The following RPN2 variants were observed in gnomAD, a reference collection of about 807,000 sequenced individuals.
RPN2 encodes ribophorin II, also known as dolichyl-diphosphooligosaccharide--protein glycosyltransferase subunit 2.
A neutral mutation model predicts 71.4 loss-of-function variants in RPN2; 29 were observed. The observed-to-expected ratio is 0.41, with a 90% confidence interval of 0.30 to 0.55. RPN2 has a LOEUF of 0.55. RPN2 is among the 20% of genes least tolerant of loss of function. The pLI, the probability that RPN2 is intolerant of heterozygous loss-of-function variation, is 0.35. For missense variants in RPN2, 726 were observed against 774.1 expected (o/e 0.94, Z 0.74); for synonymous variants, 308 against 305.0 (o/e 1.01, Z -0.10).
intron 2 of RPN2, among the ~76,000 whole-genome samples, chr20:37,196,462 T>C (rs1376387177): frequency 1.3e-5 from 2 of 152,152 alleles, no homozygotes; most frequent in Non-Finnish European, 2.9e-5. Flanking sequence ...CTCGATCTCC[T>C]GACCTTGTGA....
chr20:37,189,360 T>TGA lies in RPN2; in HGVS notation c.207+4988_207+4989dup, dbSNP rs1173296059. On this transcript the variant is annotated intron_variant, in intron 2 of 16. Coordinates refer to ENST00000237530, the MANE Select transcript of RPN2 (RefSeq NM_002951.5). ...GTGTGTGTGTGTGTGTGTGTGTGTG[T>TGA]GAACATCCATTCATTTACACATTGG... Among the ~76,000 whole-genome samples, 3 of 150,408 alleles carry TGA rather than the reference T, an allele frequency of 2.0e-5. No individual in the cohort carries two copies. The East Asian group carries it at 5.8e-4, about 29-fold the overall frequency.
At position 37,223,969 on chromosome 20, in the gene RPN2, G is replaced by C; in HGVS notation, c.1184G>C (p.Arg395Pro). ...KDQSIAPKTT[R>P]VTYPAKAKGT... ...CAGAGCATTGCACCCAAAACTACCC[G>C]GTAGGTGAGATGCCACCTGATCACT... is the stretch of plus-strand genomic sequence containing the variant. The change falls in exon 10 of 17, where the codon CGG (arginine) becomes CCG (proline). Residue 395 changes from arginine (R) to proline (P), a missense_variant and splice_region_variant. Arg to Pro is a moderately radical substitution (Grantham distance 103). Coordinates refer to ENST00000237530, the MANE Select transcript of RPN2 (RefSeq NM_002951.5). The C allele has an allele frequency of 6.2e-7, 1 of 1,613,518 alleles. No individual in the cohort carries two copies. Among genetic ancestry groups the C allele is most frequent in the Non-Finnish European group, 8.5e-7 (1 of 1,179,526 alleles).
intron 9 of RPN2, among the ~76,000 whole-genome samples, chr20:37,217,762 C>T (rs201899123): frequency 8.3e-5 from 1 of 12,070 alleles, no homozygotes; most frequent in Non-Finnish European, 2.9e-4. Context: ...TGGAATCTTG[C>T]TGTCACCCAG....
chr20:37,216,749 A>G (rs1016192552), intron 9 of RPN2, among the ~76,000 whole-genome samples: 1 of 152,164 alleles, frequency 6.6e-6, no homozygotes, highest in African/African-American at 2.4e-5. Flanking sequence ...GTCGTGAGCC[A>G]CTGCACCTGG....
At chr20:37,229,670 T>C (rs1796324374) in intron 12 of RPN2, among the ~76,000 whole-genome samples, 1 of 152,228 alleles carries the variant, frequency 6.6e-6, no homozygotes, top group Admixed American at 6.5e-5. Context: ...GACACCAAGC[T>C]GTTTCTGATT....
intron 15 of RPN2, among the ~76,000 whole-genome samples, chr20:37,234,307 T>C (rs1464680585): frequency 6.6e-6 from 1 of 152,276 alleles, no homozygotes; most frequent in Non-Finnish European, 1.5e-5. Context: ...TTGGGCTTTG[T>C]TGTACTGTGC....
rs200461232 is a variant in RPN2 at position 37,225,648 on chromosome 20, C to T, written c.1185-40C>T. ...TTTTCTGCCTGTTCTCAGAGATATA[C>T]TGATCCTCTCTGAAGACTAACTCTA... On this transcript the variant is annotated intron_variant, in intron 10 of 16. Transcript: ENST00000237530. 8.2e-6 allele frequency: 11 copies of T among 1,337,066 alleles called. No individual in the cohort carries two copies. In the East Asian group the frequency reaches 1.8e-4, roughly 22 times the overall value. The allele number at this position is 1,337,066 out of a possible 1,614,324, so 82.8% of individuals were successfully genotyped here.
At chr20:37,198,342 T>C (rs1814950383) in intron 2 of RPN2, 55 bp from the exon 3 acceptor site, 2 of 1,613,922 alleles carry the variant, frequency 1.2e-6, no homozygotes, top group Admixed American at 3.3e-5. Flanking sequence ...GCCTTTGCTT[T>C]TCCTGGTTCA....
intron 8 of RPN2, among the ~76,000 whole-genome samples, chr20:37,211,062 T>A (rs901506885): frequency 6.6e-6 from 1 of 151,480 alleles, no homozygotes; most frequent in Non-Finnish European, 1.5e-5. Flanking sequence ...TGAGATGGAG[T>A]CTTCCTCTGT....
At chr20:37,228,431 C>A in intron 11 of RPN2, 119 bp from the exon 12 acceptor site, 2 of 966,032 alleles carry the variant, frequency 2.1e-6, no homozygotes, top group Non-Finnish European at 3.3e-6. Context: ...TCTGGCAGAT[C>A]CCAGAGCTCT....
chr20:37,190,320 C>T (rs765049331), intron 2 of RPN2, among the ~76,000 whole-genome samples: 5 of 152,188 alleles, frequency 3.3e-5, no homozygotes, highest in Non-Finnish European at 7.3e-5. Flanking sequence ...AGCTGCCATG[C>T]AGTGTGACTT....
At chr20:37,191,103 AC>A (rs1290855544) in intron 2 of RPN2, among the ~76,000 whole-genome samples, 2 of 152,182 alleles carry the variant, frequency 1.3e-5, no homozygotes, top group African/African-American at 4.8e-5. Context: ...TAGCAGCAAA[AC>A]TGGGAGAAAT....
chr20:37,201,243 C>G (rs2067382911), intron 4 of RPN2, among the ~76,000 whole-genome samples: 1 of 143,008 alleles, frequency 7.0e-6, no homozygotes, highest in Non-Finnish European at 1.5e-5. Flanking sequence ...GAGTTTGTTA[C>G]TTCCTTCGTT....
At chr20:37,215,545 T>C (rs2067786378) in intron 9 of RPN2, among the ~76,000 whole-genome samples, 1 of 152,204 alleles carries the variant, frequency 6.6e-6, no homozygotes, top group Non-Finnish European at 1.5e-5. Flanking sequence ...TCTTTTTTTT[T>C]CTTGAAACCT....
chr20:37,218,995 C>G (rs1343628998), intron 9 of RPN2, among the ~76,000 whole-genome samples: 1 of 152,076 alleles, frequency 6.6e-6, no homozygotes, highest in Non-Finnish European at 1.5e-5. Flanking sequence ...TTGTATATAA[C>G]TTTTTGTTTG....
chr20:37,232,373 G>C lies in RPN2; in HGVS notation c.1659G>C (p.Leu553Phe). The C allele has an allele frequency of 6.2e-7, 1 of 1,614,210 alleles. No homozygotes were observed. Among genetic ancestry groups the C allele is most frequent in the Non-Finnish European group, 8.5e-7 (1 of 1,180,038 alleles). The change falls in exon 14 of 17, where the codon TTG becomes TTC. Residue 553 changes from leucine (L) to phenylalanine (F), a missense_variant. Physicochemically the swap from Leu to Phe is conservative, Grantham distance 22 (BLOSUM62 0). Coordinates refer to ENST00000237530, the MANE Select transcript of RPN2 (RefSeq NM_002951.5). Reference protein sequence around the residue: ...NTFTALILSPLLLLFALWIRI... With the variant: ...NTFTALILSPFLLLFALWIRI... ...TCACTGCCCTGATCCTCTCGCCGTT[G>C]CTTCTGCTCTTCGCTCTGGTGAGTG... is the stretch of plus-strand genomic sequence containing the variant.
At chr20:37,215,820 A>G (rs2067792080) in intron 9 of RPN2, among the ~76,000 whole-genome samples, 1 of 152,212 alleles carries the variant, frequency 6.6e-6, no homozygotes, top group Non-Finnish European at 1.5e-5. Context: ...TTCCTTGGTT[A>G]CTGGTAAAGT....
At chr20:37,189,555 A>G (rs752580679) in intron 2 of RPN2, among the ~76,000 whole-genome samples, 7 of 152,170 alleles carry the variant, frequency 4.6e-5, no homozygotes, top group South Asian at 2.1e-4. Flanking sequence ...TTTCTGCCCA[A>G]TGTTTTCTTC....
intron 13 of RPN2, among the ~76,000 whole-genome samples, chr20:37,231,042 G>A (rs1393682578): frequency 1.3e-5 from 2 of 152,024 alleles, no homozygotes; most frequent in Non-Finnish European, 2.9e-5. Context: ...AAGTTGATAC[G>A]TTGGAGGAAA....
Sources: allele counts gnomAD v4.1 joint callset (sites outside exome capture counted in the v4.1 genomes callset), GRCh38; gene constraint gnomAD v4.1.1; transcripts MANE v1.5; gene names NCBI Gene and HGNC (gene_info 2026-07-23, HGNC 2026-07-21).